Variants in RBFOX1 observed in about 807,000 individuals in gnomAD.
RBFOX1 encodes RNA binding fox-1 homolog 1, also known as RNA binding protein fox-1 homolog 1.
A neutral mutation model predicts 57.7 loss-of-function variants in RBFOX1; 8 were observed. The observed-to-expected ratio is 0.14, with a 90% CI of 0.08 to 0.25. RBFOX1 has a LOEUF of 0.25. Among genes scored for constraint, RBFOX1 ranks in the 10% least tolerant of loss-of-function variants. The pLI is 1.00. For missense variants in RBFOX1, 611 were observed against 548.5 expected (o/e 1.11, Z -1.14); for synonymous variants, 326 against 222.4 (o/e 1.47, Z -4.15).
intron 4 of RBFOX1, among the ~76,000 whole-genome samples, chr16:7,502,987 C>A (rs2071495464): frequency 6.6e-6 from 1 of 152,120 alleles, no homozygotes; most frequent in African/African-American, 2.4e-5. Flanking sequence ...CACACCACTG[C>A]ACTCCAGCCT....
rs200357252 is a variant in RBFOX1, at chr16:7,088,337, TC to T, written c.27+36240del. Among the ~76,000 whole-genome samples the T allele has an allele frequency of 5.3e-3, 809 of 152,324 alleles. 4 individuals carry two copies. Among genetic ancestry groups the T allele is most frequent in the Non-Finnish European group, 9.3e-3 (634 of 68,026 alleles). On this transcript the variant is annotated intron_variant, in intron 4 of 15. Coordinates refer to ENST00000550418, the MANE Select transcript of RBFOX1 (RefSeq NM_018723.4). Reference sequence around the variant, plus strand: ...TTTGTTTATTTGTTTTGTTTTTGTTTCTGTTTCTCTCTCACAAGTGACTACT... The same window carrying T: ...TTTGTTTATTTGTTTTGTTTTTGTTTTGTTTCTCTCTCACAAGTGACTACT...
intron 2 of RBFOX1, among the ~76,000 whole-genome samples, chr16:5,533,858 C>G (rs1037106666): frequency 6.6e-6 from 1 of 152,040 alleles, no homozygotes; most frequent in African/African-American, 2.4e-5. Flanking sequence ...TTACCTTCTC[C>G]CAAAGAGAGG....
intron 3 of RBFOX1, chr16:5,867,258 T>G (rs2151896694): frequency 8.7e-7 from 1 of 1,149,612 alleles, no homozygotes; most frequent in Non-Finnish European, 1.1e-6. Context: ...TCCAATTACC[T>G]TCTTGTTGAA....
intron 4 of RBFOX1, among the ~76,000 whole-genome samples, chr16:7,193,790 C>G (rs916431928): frequency 3.9e-5 from 6 of 152,140 alleles, no homozygotes; most frequent in African/African-American, 1.4e-4. Flanking sequence ...TCTAGCACAA[C>G]AGGTCCTAGA....
intron 1 of RBFOX1, among the ~76,000 whole-genome samples, chr16:5,272,132 G>C (rs560790474): frequency 2.0e-5 from 3 of 152,202 alleles, no homozygotes; most frequent in Non-Finnish European, 2.9e-5. Context: ...TGGGTTGCTG[G>C]ATTATATGCT....
intron 3 of RBFOX1, among the ~76,000 whole-genome samples, chr16:6,901,219 G>T (rs966256734): frequency 6.6e-6 from 1 of 152,188 alleles, no homozygotes; most frequent in Non-Finnish European, 1.5e-5. Context: ...TAAGAAGAAA[G>T]AGAGGAAAGA....
intron 1 of RBFOX1, among the ~76,000 whole-genome samples, chr16:6,229,295 G>T (rs557564520): frequency 1.3e-5 from 2 of 152,334 alleles, no homozygotes; most frequent in South Asian, 4.1e-4. Flanking sequence ...ACTTTGAACA[G>T]TCTCATCGTT....
chr16:7,531,854 C>T (rs113518211), intron 5 of RBFOX1, among the ~76,000 whole-genome samples: 1 of 152,054 alleles, frequency 6.6e-6, no homozygotes, highest in Non-Finnish European at 1.5e-5. Context: ...GCTCTCAACT[C>T]CCTCAATTTA....
intron 2 of RBFOX1, among the ~76,000 whole-genome samples, chr16:6,584,201 G>C (rs1425622522): frequency 6.6e-6 from 1 of 151,724 alleles, no homozygotes; most frequent in Non-Finnish European, 1.5e-5. Flanking sequence ...GTAAAACAAA[G>C]GGAAGTCTTG....
chr16:5,971,918 C>T (rs1267098537), intron 4 of RBFOX1, among the ~76,000 whole-genome samples: 1 of 152,308 alleles, frequency 6.6e-6, no homozygotes, highest in South Asian at 2.1e-4. Context: ...CTCATCCAGT[C>T]AGCTGAAGGC....
chr16:7,260,448 T>C (rs4366720), intron 4 of RBFOX1, among the ~76,000 whole-genome samples: 82,775 of 151,934 alleles, frequency 0.54, 23,330 homozygotes, highest in African/African-American at 0.68. Flanking sequence ...ACTGTTTTGT[T>C]CTGGGTGCTA....
intron 4 of RBFOX1, among the ~76,000 whole-genome samples, chr16:7,471,146 TG>T (rs2061486577): frequency 6.6e-6 from 1 of 152,100 alleles, no homozygotes; most frequent in African/African-American, 2.4e-5. Context: ...CCATTATTCT[TG>T]GGGGGATTTT....
chr16:7,250,291 C>T lies in RBFOX1; in HGVS notation c.27+198193C>T, dbSNP rs958231284. ...ATAACACTGAAGAGTAAAACAAATG[C>T]TTTTTTTGCTGTTCCTGGGAGCGTG... is the stretch of plus-strand genomic sequence containing the variant. On this transcript the variant is annotated intron_variant, in intron 4 of 15. Transcript: ENST00000550418. Among the ~76,000 whole-genome samples the T allele has an allele frequency of 4.6e-5, 7 of 152,178 alleles. No homozygotes were observed. The East Asian group carries it at 9.6e-4, about 21-fold the overall frequency.
chr16:6,468,411 C>T (rs773699268), intron 2 of RBFOX1, among the ~76,000 whole-genome samples: 12 of 152,110 alleles, frequency 7.9e-5, no homozygotes, highest in Non-Finnish European at 1.8e-4. Context: ...AGCCCCGCAA[C>T]GATGTTGTAA....
Position 5,380,066 on chromosome 16 carries a change from T to A in RBFOX1, c.220-87150T>A, listed in dbSNP as rs368423231. ...GTGACAGGAAGCCGGTGACTAAGGA[T>A]GTGCTTCCCAATTTTGAGAGGGTTA... On this transcript the variant is annotated intron_variant, in intron 1 of 2. Coordinates refer to the RBFOX1 transcript ENST00000585867. Among the ~76,000 whole-genome samples, 9 of 152,222 alleles carry A rather than the reference T, an allele frequency of 5.9e-5. No homozygotes were observed. In the South Asian group the frequency reaches 1.5e-3, roughly 25 times the overall value.
At chr16:7,443,175 C>A (rs982807718) in intron 4 of RBFOX1, among the ~76,000 whole-genome samples, 1 of 152,116 alleles carries the variant, frequency 6.6e-6, no homozygotes, top group Admixed American at 6.5e-5. Flanking sequence ...TCTAGGATCG[C>A]GTGGTACAGG....
At chr16:7,064,561 A>G (rs2055460446) in intron 4 of RBFOX1, among the ~76,000 whole-genome samples, 1 of 152,106 alleles carries the variant, frequency 6.6e-6, no homozygotes, top group African/African-American at 2.4e-5. Flanking sequence ...CCTACCAGTC[A>G]AAGGAGGATG....
chr16:6,993,567 G>A (rs979081260), intron 3 of RBFOX1, among the ~76,000 whole-genome samples: 1 of 152,132 alleles, frequency 6.6e-6, no homozygotes, highest in African/African-American at 2.4e-5. Context: ...TCTACATAGG[G>A]AGGCAAGAGT....
chr16:6,644,237 A>G (rs74005612), intron 2 of RBFOX1, among the ~76,000 whole-genome samples: 8,879 of 152,280 alleles, frequency 0.058, 893 homozygotes, highest in African/African-American at 0.2. Flanking sequence ...TTTCACAACA[A>G]TAGGCAATGT....
Sources: allele counts gnomAD v4.1 joint callset (sites outside exome capture counted in the v4.1 genomes callset), GRCh38; gene constraint gnomAD v4.1.1; transcripts MANE v1.5; gene names NCBI Gene and HGNC (gene_info 2026-07-23, HGNC 2026-07-21).